Variants in VAT1L observed in about 807,000 individuals in gnomAD.
VAT1L encodes putative NADPH-dependent quinone oxidoreductase VAT1L.
Under a neutral mutation model 44.1 loss-of-function variants are expected in VAT1L, and 34 were observed. The observed-to-expected ratio is 0.77, with a 90% CI of 0.59 to 1.03. VAT1L has a LOEUF of 1.03. Among genes scored for constraint, VAT1L ranks in the 50% least tolerant of loss-of-function variants. The pLI, the probability that VAT1L is intolerant of heterozygous loss-of-function variation, is 0.00. For missense variants in VAT1L, 615 were observed against 538.8 expected, an observed-to-expected ratio of 1.14 and a Z score of -1.40; for synonymous variants, 253 against 202.2, an observed-to-expected ratio of 1.25 and a Z score of -2.13.
intron 3 of VAT1L, among the ~76,000 whole-genome samples, chr16:77,854,067 G>A (rs1163529410): frequency 6.6e-6 from 1 of 152,000 alleles, no homozygotes; most frequent in Non-Finnish European, 1.5e-5. Context: ...GGTGGAGGTT[G>A]CAGTGAGCCA....
intron 7 of VAT1L, among the ~76,000 whole-genome samples, chr16:77,946,022 G>A (rs368680050): frequency 2.0e-5 from 3 of 151,874 alleles, no homozygotes; most frequent in Non-Finnish European, 2.9e-5. Flanking sequence ...GGCTGGTCTC[G>A]AACTGCTGAC....
intron 8 of VAT1L, among the ~76,000 whole-genome samples, chr16:77,976,629 G>T (rs1361551196): frequency 1.3e-5 from 2 of 152,186 alleles, no homozygotes; most frequent in Non-Finnish European, 2.9e-5. Context: ...CACAGATCAT[G>T]TAGGGGATGT....
intron 3 of VAT1L, among the ~76,000 whole-genome samples, chr16:77,852,932 G>A (rs1027707092): frequency 3.9e-5 from 6 of 152,174 alleles, no homozygotes; most frequent in African/African-American, 1.4e-4. Context: ...AGGTTGTGAT[G>A]AGGATCGAAT....
chr16:77,847,901 G>T (rs2016772978), intron 3 of VAT1L, among the ~76,000 whole-genome samples: 1 of 152,170 alleles, frequency 6.6e-6, no homozygotes, highest in Non-Finnish European at 1.5e-5. Context: ...GAAATATCAA[G>T]AACTGCTGAT....
intron 7 of VAT1L, among the ~76,000 whole-genome samples, 196 bp from the exon 8 acceptor site, chr16:77,971,654 G>T (rs1349604679): frequency 6.6e-6 from 1 of 152,080 alleles, no homozygotes; most frequent in African/African-American, 2.4e-5. Context: ...GAAGATGTTT[G>T]CACAAGATCA....
chr16:77,979,284 G>C lies in VAT1L; in HGVS notation c.*1589G>C, dbSNP rs923286436. The stretch of plus-strand genomic sequence containing the variant: ...GTATGTAAAATATGAAGACAAGAAA[G>C]GGTGCTTTCATCTGAGGAACCAAGG... On this transcript the variant is annotated 3_prime_UTR_variant, in exon 9 of 9. Transcript: ENST00000302536. The C allele has an allele frequency of 6.6e-6, 1 of 152,478 alleles. No homozygotes were observed. Among genetic ancestry groups the C allele is most frequent in the Non-Finnish European group, 1.5e-5 (1 of 68,040 alleles). 9.4% of individuals were successfully genotyped at this position (152,478 alleles called of 1,614,324 possible). A position where few individuals can be genotyped will look rare whatever the true frequency, so the allele number is the denominator to read the frequency against.
chr16:77,817,861 C>T (rs1490743127), intron 2 of VAT1L, among the ~76,000 whole-genome samples: 4 of 152,130 alleles, frequency 2.6e-5, no homozygotes, highest in Non-Finnish European at 5.9e-5. Context: ...GGTACAAGGG[C>T]TCTTACTCAT....
intron 1 of VAT1L, chr16:77,800,173 C>G (rs1051155330): frequency 6.6e-6 from 1 of 152,200 alleles, no homozygotes; most frequent in Non-Finnish European, 1.5e-5. Flanking sequence ...TTAACACAGT[C>G]TATTCTCTTG....
At chr16:77,889,643 T>A (rs949855643) in intron 7 of VAT1L, among the ~76,000 whole-genome samples, 8 of 152,230 alleles carry the variant, frequency 5.3e-5, no homozygotes, top group African/African-American at 1.9e-4. Context: ...ACAGTAGTCA[T>A]AGACAACGTG....
intron 7 of VAT1L, among the ~76,000 whole-genome samples, chr16:77,893,872 G>A (rs1251619928): frequency 2.0e-5 from 3 of 152,170 alleles, no homozygotes; most frequent in Non-Finnish European, 4.4e-5. Context: ...TGAAGAATGA[G>A]CAAAATAATG....
At chr16:77,950,400 T>TG (rs2018027432) in intron 7 of VAT1L, among the ~76,000 whole-genome samples, 1 of 88,210 alleles carries the variant, frequency 1.1e-5, no homozygotes, top group Non-Finnish European at 2.2e-5. Flanking sequence ...CAGAGCAAGA[T>TG]TCCATCTAAA....
chr16:77,916,454 C>T (rs1445729668), intron 7 of VAT1L, among the ~76,000 whole-genome samples: 1 of 152,100 alleles, frequency 6.6e-6, no homozygotes, highest in Non-Finnish European at 1.5e-5. Flanking sequence ...TCTCTCTCCA[C>T]TGGGTTTTTT....
Position 77,919,300 on chromosome 16 carries a change from C to A in VAT1L, c.1077+34498C>A, listed in dbSNP as rs16946798. The stretch of plus-strand genomic sequence containing the variant: ...TGCCTTTCATTGACAGGTGTTGTGC[C>A]TAGACCAGGATGCTGTTTTGATTGG... On this transcript the variant is annotated intron_variant, in intron 7 of 8. Transcript: ENST00000302536. 8.9e-3 allele frequency among the ~76,000 whole-genome samples: 1,350 copies of A among 152,260 alleles called. 24 individuals carry two copies. The highest frequency in any genetic ancestry group is 0.03 in the African/African-American group (1,266 of 41,550).
intron 3 of VAT1L, among the ~76,000 whole-genome samples, chr16:77,829,336 A>T (rs910837474): frequency 2.0e-5 from 3 of 152,230 alleles, no homozygotes; most frequent in Non-Finnish European, 4.4e-5. Flanking sequence ...AAATAGGGTT[A>T]TGTAAAGTGT....
chr16:77,892,766 A>G, intron 7 of VAT1L: 1 of 768,206 alleles, frequency 1.3e-6, no homozygotes, highest in South Asian at 1.3e-5. Context: ...TTTCATCTGT[A>G]CTGCCAAGAC....
chr16:77,957,293 A>T (rs1470376613), intron 7 of VAT1L, among the ~76,000 whole-genome samples: 1 of 152,212 alleles, frequency 6.6e-6, no homozygotes, highest in African/African-American at 2.4e-5. Flanking sequence ...CCAATCTATG[A>T]GTAAATAAAA....
chr16:77,896,076 G>C (rs2017321374), intron 7 of VAT1L, among the ~76,000 whole-genome samples: 1 of 152,194 alleles, frequency 6.6e-6, no homozygotes, highest in South Asian at 2.1e-4. Flanking sequence ...TCGAATGGAG[G>C]GGAGAGGAAA....
intron 7 of VAT1L, among the ~76,000 whole-genome samples, chr16:77,920,896 G>C (rs934540945): frequency 1.3e-5 from 2 of 151,890 alleles, no homozygotes; most frequent in African/African-American, 2.4e-5. Flanking sequence ...GCATTTCTCA[G>C]AATGTATCCT....
intron 5 of VAT1L, among the ~76,000 whole-genome samples, chr16:77,878,739 C>A (rs1468249753): frequency 6.6e-6 from 1 of 152,166 alleles, no homozygotes; most frequent in Non-Finnish European, 1.5e-5. Context: ...CCTCTCCCAC[C>A]ATTTAGGTAC....
Sources: allele counts gnomAD v4.1 joint callset (sites outside exome capture counted in the v4.1 genomes callset), GRCh38; gene constraint gnomAD v4.1.1; transcripts MANE v1.5; gene names NCBI Gene and HGNC (gene_info 2026-07-23, HGNC 2026-07-21).